NKAIN1: variants seen among roughly 807,000 people sequenced by gnomAD.
NKAIN1 encodes the protein sodium/potassium transporting ATPase interacting 1, also known as sodium/potassium-transporting ATPase subunit beta-1-interacting protein 1.
In NKAIN1, 13 loss-of-function variants were observed where a neutral mutation model predicts 31.6. That is an observed-to-expected ratio of 0.41 (90% CI 0.27 to 0.65). NKAIN1 has a LOEUF of 0.65. Ranked by LOEUF, NKAIN1 falls within the 30% of genes least tolerant of loss-of-function variation. NKAIN1 has a pLI of 0.30. For missense variants in NKAIN1, 193 were observed against 262.2 expected (o/e 0.74, Z 1.82); for synonymous variants, 104 against 109.0 (o/e 0.95, Z 0.28).
intron 1 of NKAIN1, among the ~76,000 whole-genome samples, chr1:31,213,330 A>G (rs1214617332): frequency 6.6e-6 from 1 of 152,228 alleles, no homozygotes; most frequent in Non-Finnish European, 1.5e-5. Flanking sequence ...GATAAGCACA[A>G]AAAAATATGC....
rs145663939 is a variant in NKAIN1, at chr1:31,208,964, A to T, written c.55-20777T>A. Among the ~76,000 whole-genome samples, 728 of 152,210 alleles carry T rather than the reference A, an allele frequency of 4.8e-3. 4 individuals carry two copies. Among genetic ancestry groups the T allele is most frequent in the African/African-American group, 0.016 (671 of 41,536 alleles). On this transcript the variant is annotated intron_variant, in intron 1 of 6. Transcript: ENST00000373736. Reference sequence around the variant, plus strand: ...CCCTTCTCACCTCCCAGGGGGTGGGAGTGGATCCAATGGGGTAACTGACAT... The same window carrying T: ...CCCTTCTCACCTCCCAGGGGGTGGGTGTGGATCCAATGGGGTAACTGACAT...
intron 1 of NKAIN1, among the ~76,000 whole-genome samples, chr1:31,195,414 G>T (rs573285687): frequency 6.6e-6 from 1 of 152,030 alleles, no homozygotes; most frequent in Non-Finnish European, 1.5e-5. Context: ...AAGCCACCGC[G>T]CCTGGCCTTT....
chr1:31,181,200 G>C lies in NKAIN1; in HGVS notation c.*503C>G, dbSNP rs1423495822. On this transcript the variant is annotated 3_prime_UTR_variant, in exon 7 of 7. Coordinates refer to ENST00000373736, the MANE Select transcript of NKAIN1 (RefSeq NM_024522.3). The stretch of plus-strand genomic sequence containing the variant: ...AGGTGCGGAAACCGAGGCTCAGAGA[G>C]GGCAAGGGCTTTGCTAGACGTCACA... The C allele has an allele frequency of 6.4e-6, 1 of 157,042 alleles. No individual in the cohort carries two copies. The highest frequency in any genetic ancestry group is 1.4e-5 in the Non-Finnish European group (1 of 71,538). 9.7% of individuals were successfully genotyped at this position (157,042 alleles called of 1,614,324 possible).
At chr1:31,229,344 T>A (rs1349641211) in intron 1 of NKAIN1, among the ~76,000 whole-genome samples, 1 of 152,052 alleles carries the variant, frequency 6.6e-6, no homozygotes, top group Non-Finnish European at 1.5e-5. Context: ...ATCTCTGTAG[T>A]TTGAGACTTC....
chr1:31,193,195 A>G (rs1361886970), intron 1 of NKAIN1, among the ~76,000 whole-genome samples: 1 of 151,376 alleles, frequency 6.6e-6, no homozygotes, highest in Non-Finnish European at 1.5e-5. Context: ...CAGCCTCCCA[A>G]GTAGCTGGGA....
intron 1 of NKAIN1, among the ~76,000 whole-genome samples, chr1:31,226,705 G>A (rs1645610494): frequency 6.6e-6 from 1 of 151,618 alleles, no homozygotes; most frequent in Non-Finnish European, 1.5e-5. Flanking sequence ...TGTATATTTA[G>A]TAGAGACGGG....
chr1:31,210,218 T>C (rs1248166274), intron 1 of NKAIN1, among the ~76,000 whole-genome samples: 2 of 151,366 alleles, frequency 1.3e-5, no homozygotes, highest in Non-Finnish European at 2.9e-5. Context: ...AACTGCAACC[T>C]CAGAAGCCAG....
At position 31,237,389 on chromosome 1, in the gene NKAIN1, T is replaced by TA. The variant is rs1320932307; in HGVS notation, c.54+2104dup. ...AGTGCTTCCAAGAGTACCTGACACT[T>TA]AGTCAAGGGCTCTCCAAAGCTAACC... On this transcript the variant is annotated intron_variant, in intron 1 of 6. Transcript: ENST00000373736. Among the ~76,000 whole-genome samples, 4 of 152,234 alleles carry TA rather than the reference T, an allele frequency of 2.6e-5. No individual in the cohort carries two copies. In the South Asian group the frequency reaches 6.2e-4, roughly 24 times the overall value.
At chr1:31,196,512 CAAAAAAA>C (rs58194598) in intron 1 of NKAIN1, among the ~76,000 whole-genome samples, 3 of 91,378 alleles carry the variant, frequency 3.3e-5, no homozygotes, top group Admixed American at 1.5e-4. Flanking sequence ...GACTCCTACT[CAAAAAAA>C]AAAAAAAAAA....
intron 4 of NKAIN1, among the ~76,000 whole-genome samples, chr1:31,183,315 T>G (rs1400862561): frequency 6.6e-6 from 1 of 152,134 alleles, no homozygotes; most frequent in Non-Finnish European, 1.5e-5. Flanking sequence ...TGCCTCATCC[T>G]ACTCACTAAA....
chr1:31,208,119 C>T (rs1242043380), intron 1 of NKAIN1, among the ~76,000 whole-genome samples: 1 of 152,156 alleles, frequency 6.6e-6, no homozygotes, highest in African/African-American at 2.4e-5. Context: ...CCGATGATGG[C>T]TGAGATGTGT....
At chr1:31,184,331 C>A (rs190835454) in intron 3 of NKAIN1, among the ~76,000 whole-genome samples, 4 of 152,114 alleles carry the variant, frequency 2.6e-5, no homozygotes, top group African/African-American at 9.7e-5. Flanking sequence ...CACTGCTCCC[C>A]CTGTGTGCGA....
At chr1:31,208,595 C>T (rs1645441392) in intron 1 of NKAIN1, among the ~76,000 whole-genome samples, 1 of 150,428 alleles carries the variant, frequency 6.6e-6, no homozygotes, top group South Asian at 2.2e-4. Context: ...CAGGATCCTG[C>T]AATTAACCCA....
chr1:31,180,274 G>A lies in NKAIN1; in HGVS notation c.*1429C>T, dbSNP rs1341281290. On this transcript the variant is annotated 3_prime_UTR_variant, in exon 7 of 7. Coordinates refer to ENST00000373736, the MANE Select transcript of NKAIN1 (RefSeq NM_024522.3). ...CTCCTGCCCTCCTTTCTAACCCAGG[G>A]CCATGCCTCTTTCACAGATGAAATG... The A allele has an allele frequency of 6.6e-6, 1 of 152,394 alleles. No individual in the cohort carries two copies. Among genetic ancestry groups the A allele is most frequent in the African/African-American group, 2.4e-5 (1 of 41,444 alleles). 9.4% of individuals were successfully genotyped at this position (152,394 alleles called of 1,614,324 possible). A position where few individuals can be genotyped will look rare whatever the true frequency, so the allele number is the denominator to read the frequency against.
chr1:31,238,367 G>C (rs1054805350), intron 1 of NKAIN1, among the ~76,000 whole-genome samples: 5 of 152,194 alleles, frequency 3.3e-5, no homozygotes, highest in Non-Finnish European at 7.4e-5. Context: ...CAGCATGAGG[G>C]GGGCTCAGGC....
At chr1:31,182,422 C>A in intron 5 of NKAIN1, 108 bp downstream of exon 5, 1 of 1,251,160 alleles carries the variant, frequency 8.0e-7, no homozygotes, top group Non-Finnish European at 1.2e-6. Context: ...GAAAGGGGCC[C>A]GTGGCCGACC....
Position 31,220,003 on chromosome 1 carries a change from A to ACTTTTTTTTTTTTTTTTTTTTTT in NKAIN1, c.54+19490_54+19491insAAAAAAAAAAAAAAAAAAAAAAG, listed in dbSNP as rs138578415. Among the ~76,000 whole-genome samples, 9 of 127,784 alleles carry ACTTTTTTTTTTTTTTTTTTTTTT rather than the reference A, an allele frequency of 7.0e-5. 2 individuals carry two copies. Among genetic ancestry groups the ACTTTTTTTTTTTTTTTTTTTTTT allele is most frequent in the Non-Finnish European group, 1.1e-4 (7 of 63,226 alleles). The allele number at this position is 127,784 out of a possible 152,430, so 83.8% of individuals were successfully genotyped here. ...GCTAAACCTGCTTCAGAACACTCAG[A>ACTTTTTTTTTTTTTTTTTTTTTT]TTTTTTTTTTTTTTTTTTTTTGAGA... is the stretch of plus-strand genomic sequence containing the variant. On this transcript the variant is annotated intron_variant, in intron 1 of 6. Transcript: ENST00000373736.
chr1:31,187,142 T>C (rs1363032218), intron 2 of NKAIN1, among the ~76,000 whole-genome samples: 1 of 152,124 alleles, frequency 6.6e-6, no homozygotes, highest in East Asian at 1.9e-4. Context: ...ACTGAGCCTG[T>C]GGAGGTGGGG....
At chr1:31,225,315 CAT>C (rs1645595037) in intron 1 of NKAIN1, among the ~76,000 whole-genome samples, 1 of 143,342 alleles carries the variant, frequency 7.0e-6, no homozygotes, top group African/African-American at 2.6e-5. Flanking sequence ...CATAAGCCAC[CAT>C]GCCCGGCCTT....
Sources: allele counts gnomAD v4.1 joint callset (sites outside exome capture counted in the v4.1 genomes callset), GRCh38; gene constraint gnomAD v4.1.1; transcripts MANE v1.5; gene names NCBI Gene and HGNC (gene_info 2026-07-23, HGNC 2026-07-21).